The following MECOM variants were observed in gnomAD, a reference collection of about 807,000 sequenced individuals.
MECOM encodes MDS1 and EVI1 complex locus.
In MECOM, 13 loss-of-function variants were observed where a neutral mutation model predicts 116.3. The ratio of observed to expected loss-of-function variants is 0.11; its 90% CI spans 0.07 to 0.18. The LOEUF is 0.18. Among genes scored for constraint, MECOM ranks in the 10% least tolerant of loss-of-function variants. The probability of loss-of-function intolerance (pLI) is 1.00; values close to 1 mark genes in which losing one functional copy is unlikely to be tolerated. For missense variants in MECOM, 1,299 were observed against 1,509.0 expected (o/e 0.86, Z 2.31); for synonymous variants, 528 against 535.2 (o/e 0.99, Z 0.19).
Position 169,116,102 on chromosome 3 carries a change from G to A in MECOM, c.1770C>T (p.Gly590=). ...AGCCCGAGGTTGTTTCCAGGTCACT[G>A]CCACTTGGTGTACTGACATCATCAA... ...SDLDDVSTPS[G]SDLETTSGSD... Residue 590 remains glycine (G), a synonymous_variant, in exon 8 of 17, where the codon GGC becomes GGT. Coordinates refer to ENST00000651503, the MANE Select transcript of MECOM (RefSeq NM_004991.4). The A allele has an allele frequency of 6.2e-7, 1 of 1,614,106 alleles. No individual in the cohort carries two copies. Among genetic ancestry groups the A allele is most frequent in the Non-Finnish European group, 8.5e-7 (1 of 1,180,020 alleles).
Position 169,381,343 on chromosome 3 carries a change from A to G in MECOM, c.219T>C (p.Asp73=), listed in dbSNP as rs1732350527. The change falls in exon 2 of 17, where the codon GAT becomes GAC. Residue 73 remains aspartate (D), a synonymous_variant. Coordinates refer to ENST00000651503, the MANE Select transcript of MECOM (RefSeq NM_004991.4). ...PYKAPIYIPD[D]IPIPAEFELR... is the part of the protein sequence containing the mutation. ...GTTCAAACTCAGCAGGAATGGGGAT[A>G]TCATCAGGGATGTAGATGGGGGCTT... The G allele has an allele frequency of 6.2e-7, 1 of 1,613,786 alleles. No individual in the cohort carries two copies. Among genetic ancestry groups the G allele is most frequent in the African/African-American group, 1.3e-5 (1 of 74,934 alleles).
intron 2 of MECOM, among the ~76,000 whole-genome samples, chr3:169,274,169 C>A (rs559132599): frequency 1.8e-4 from 27 of 152,100 alleles, no homozygotes; most frequent in African/African-American, 6.3e-4. Flanking sequence ...TCCTCGACCT[C>A]ACAAAGTGCT....
intron 2 of MECOM, among the ~76,000 whole-genome samples, chr3:169,190,579 A>G (rs528810053): frequency 2.6e-5 from 4 of 152,200 alleles, no homozygotes; most frequent in African/African-American, 9.6e-5. Context: ...GCCAACTGGT[A>G]TCCAGATCAT....
intron 9 of MECOM, among the ~76,000 whole-genome samples, chr3:169,112,083 C>T (rs1340894705): frequency 6.6e-6 from 1 of 152,036 alleles, no homozygotes; most frequent in African/African-American, 2.4e-5. Context: ...TGTTTATATA[C>T]CGTATTTGTT....
At chr3:169,486,093 G>C (rs911523293) in intron 1 of MECOM, among the ~76,000 whole-genome samples, 2 of 143,242 alleles carry the variant, frequency 1.4e-5, no homozygotes, top group African/African-American at 5.2e-5. Context: ...TGTGGTTTTA[G>C]GTGTGGAAAT....
At chr3:169,656,313 T>C (rs1461367575) in intron 1 of MECOM, among the ~76,000 whole-genome samples, 1 of 152,244 alleles carries the variant, frequency 6.6e-6, no homozygotes, top group Admixed American at 6.5e-5. Context: ...TAATAAAATC[T>C]CTTTTCTAAA....
chr3:169,329,325 T>C (rs769127058), intron 2 of MECOM, among the ~76,000 whole-genome samples: 2 of 152,252 alleles, frequency 1.3e-5, no homozygotes, highest in African/African-American at 2.4e-5. Flanking sequence ...ATTCAATTGC[T>C]GAGTTAGATC....
chr3:169,532,548 G>A (rs1226257005), intron 1 of MECOM, among the ~76,000 whole-genome samples: 3 of 152,100 alleles, frequency 2.0e-5, no homozygotes, highest in Non-Finnish European at 2.9e-5. Flanking sequence ...TAATTAAGAC[G>A]TTCAGAATTT....
At chr3:169,515,435 C>T (rs1467168016) in intron 1 of MECOM, among the ~76,000 whole-genome samples, 1 of 152,106 alleles carries the variant, frequency 6.6e-6, no homozygotes, top group Non-Finnish European at 1.5e-5. Context: ...TTATTATCAC[C>T]ATTTTACTGG....
intron 5 of MECOM, among the ~76,000 whole-genome samples, 185 bp from the exon 6 acceptor site, chr3:169,122,912 T>C (rs1731524415): frequency 6.6e-6 from 1 of 152,136 alleles, no homozygotes; most frequent in African/African-American, 2.4e-5. Context: ...GGACTGTGTC[T>C]CCTGGACTGT....
intron 5 of MECOM, among the ~76,000 whole-genome samples, chr3:169,125,321 C>A (rs1341579032): frequency 6.6e-6 from 1 of 152,112 alleles, no homozygotes; most frequent in Non-Finnish European, 1.5e-5. Flanking sequence ...TCCAAAATCA[C>A]TGTACAGATT....
Position 169,116,685 on chromosome 3 carries a change from C to A in MECOM, c.1187G>T (p.Arg396Leu). ...TTGGGTTCTGCAATCAGCATGCATG[C>A]GCTTATGACGGCAAAGGTTTGAAAA... Reference protein sequence around the residue: ...TQFSNLCRHKRMHADCRTQIK... With the variant: ...TQFSNLCRHKLMHADCRTQIK... Residue 396 changes from arginine to leucine, a missense_variant, in exon 8 of 17, where the codon CGC becomes CTC. Physicochemically the swap from Arg to Leu is moderately radical, Grantham distance 102. Around this residue, in one of 6 missense-constraint regions of MECOM, gnomAD observed 42 missense variants for 103.9 expected, o/e 0.40. Coordinates refer to ENST00000651503, the MANE Select transcript of MECOM (RefSeq NM_004991.4). 6.2e-7 allele frequency: 1 copy of A among 1,613,892 alleles called. No homozygotes were observed. Among genetic ancestry groups the A allele is most frequent in the Non-Finnish European group, 8.5e-7 (1 of 1,179,938 alleles).
At chr3:169,582,641 CCTTT>C (rs1299459036) in intron 1 of MECOM, among the ~76,000 whole-genome samples, 1 of 152,206 alleles carries the variant, frequency 6.6e-6, no homozygotes, top group East Asian at 1.9e-4. Flanking sequence ...TCCTTCCCTT[CCTTT>C]GTCTCTGCAC....
intron 1 of MECOM, among the ~76,000 whole-genome samples, chr3:169,623,003 C>T (rs1397970565): frequency 6.6e-6 from 1 of 152,216 alleles, no homozygotes; most frequent in Non-Finnish European, 1.5e-5. Context: ...AGCCAGAACA[C>T]TTCTTTAGTA....
intron 3 of MECOM, among the ~76,000 whole-genome samples, chr3:169,140,272 C>A (rs144297708): frequency 9.2e-5 from 14 of 151,970 alleles, no homozygotes; most frequent in Non-Finnish European, 1.6e-4. Context: ...AGCTAAACAC[C>A]GTGCCACAGC....
chr3:169,202,503 C>G (rs1749295219), intron 2 of MECOM, among the ~76,000 whole-genome samples: 1 of 151,980 alleles, frequency 6.6e-6, no homozygotes, highest in South Asian at 2.1e-4. Flanking sequence ...ACAAAATAGA[C>G]TAAATTCTGT....
chr3:169,154,349 T>C (rs1741625316), intron 2 of MECOM, among the ~76,000 whole-genome samples: 2 of 152,174 alleles, frequency 1.3e-5, no homozygotes, highest in Admixed American at 6.5e-5. Context: ...AGGAATTGGG[T>C]CTATCTTTTT....
At chr3:169,400,392 C>G (rs4955646) in intron 1 of MECOM, among the ~76,000 whole-genome samples, 19,836 of 152,192 alleles carry the variant, frequency 0.13, 1,468 homozygotes, top group Admixed American at 0.24. Flanking sequence ...TGTTTCTAAG[C>G]AGCTAACTCA....
intron 1 of MECOM, among the ~76,000 whole-genome samples, chr3:169,473,432 C>G (rs1237678322): frequency 2.0e-5 from 3 of 152,198 alleles, no homozygotes; most frequent in Non-Finnish European, 4.4e-5. Flanking sequence ...GAAGTCACTA[C>G]TTTCTTGCTG....
Sources: gnomAD v4.1 joint callset for allele counts (sites outside exome capture counted in the v4.1 genomes callset) on GRCh38, gnomAD v4.1.1 for gene constraint, gnomAD v4.1.1 regional missense constraint, MANE v1.5 for transcripts, NCBI Gene and HGNC (gene_info 2026-07-23, HGNC 2026-07-21) for gene names.